The following C17orf67 variants were observed in gnomAD, a reference collection of about 807,000 sequenced individuals.
C17orf67 encodes uncharacterized protein C17orf67.
In C17orf67, 12 loss-of-function variants were observed where a neutral mutation model predicts 11.2. The ratio of observed to expected loss-of-function variants is 1.07; its 90% CI spans 0.68 to 1.73. C17orf67 has a LOEUF of 1.73. C17orf67 is among the 40% of genes most tolerant of loss of function. C17orf67 has a pLI of 0.00. For missense variants in C17orf67, 115 were observed against 113.5 expected (o/e 1.01, Z -0.06); for synonymous variants, 59 against 46.9 (o/e 1.26, Z -1.05).
chr17:56,823,473 T>G (rs566775157), intron 4 of C17orf67, among the ~76,000 whole-genome samples: 2 of 152,274 alleles, frequency 1.3e-5, no homozygotes, highest in South Asian at 4.1e-4. Flanking sequence ...ATTAATATCC[T>G]CTAAGAGACC....
rs966164298 is a variant in C17orf67, at chr17:56,832,881, T to A, written c.-557+17A>T. Reference sequence around the variant, plus strand: ...GCATATATATGCACACATAATAATATATACATACACACATACACGTATATA... The same window carrying A: ...GCATATATATGCACACATAATAATAAATACATACACACATACACGTATATA... On this transcript the variant is annotated intron_variant, in intron 2 of 7. Transcript: ENST00000397861. 1 of 152,242 alleles carries A rather than the reference T, an allele frequency of 6.6e-6. No homozygotes were observed. Among genetic ancestry groups the A allele is most frequent in the African/African-American group, 2.4e-5 (1 of 41,460 alleles). The allele number at this position is 152,242 out of a possible 1,614,324, so 9.4% of individuals were successfully genotyped here. A position where few individuals can be genotyped will look rare whatever the true frequency, so the allele number is the denominator to read the frequency against.
rs540845773 is a variant in C17orf67 at position 56,830,144 on chromosome 17, C to G, written c.-557+2754G>C. 6.3e-4 allele frequency among the ~76,000 whole-genome samples: 95 copies of G among 151,184 alleles called. 2 individuals carry two copies. The highest frequency in any genetic ancestry group is 2.2e-3 in the African/African-American group (89 of 41,136). ...GGATCATGAGGTCAGGAGATCAGGACCATCCTCGCTAACATGGTGAAATCC... is the reference window on the plus strand; with the variant it reads ...GGATCATGAGGTCAGGAGATCAGGAGCATCCTCGCTAACATGGTGAAATCC... On this transcript the variant is annotated intron_variant, in intron 2 of 7. Coordinates refer to ENST00000397861, the MANE Select transcript of C17orf67 (RefSeq NM_001085430.4).
intron 4 of C17orf67, among the ~76,000 whole-genome samples, chr17:56,820,288 T>TAA (rs1418172402): frequency 1.3e-5 from 2 of 152,198 alleles, no homozygotes; most frequent in East Asian, 3.9e-4. Context: ...TAAGAAAGAT[T>TAA]AATAAAAACA....
chr17:56,807,203 T>C (rs1468225557), intron 6 of C17orf67, among the ~76,000 whole-genome samples: 1 of 152,182 alleles, frequency 6.6e-6, no homozygotes, highest in Non-Finnish European at 1.5e-5. Flanking sequence ...AAAGGAAACC[T>C]AGCAGCGGGA....
intron 6 of C17orf67, among the ~76,000 whole-genome samples, chr17:56,802,462 C>T (rs1024653132): frequency 6.6e-6 from 1 of 152,256 alleles, no homozygotes; most frequent in African/African-American, 2.4e-5. Flanking sequence ...TCCTCTCCAG[C>T]TCCGGGAACC....
intron 6 of C17orf67, among the ~76,000 whole-genome samples, chr17:56,798,016 C>A (rs1363351039): frequency 1.3e-5 from 2 of 152,156 alleles, no homozygotes; most frequent in Admixed American, 6.5e-5. Flanking sequence ...CTAGTGCAAT[C>A]TCTGGCCTAC....
intron 4 of C17orf67, among the ~76,000 whole-genome samples, chr17:56,819,013 T>A (rs979352492): frequency 6.6e-6 from 1 of 152,224 alleles, no homozygotes; most frequent in Non-Finnish European, 1.5e-5. Context: ...AAGGATGAAA[T>A]AGAAAGTATC....
chr17:56,822,909 G>A (rs892077813), intron 4 of C17orf67, among the ~76,000 whole-genome samples: 17 of 152,164 alleles, frequency 1.1e-4, no homozygotes, highest in African/African-American at 3.4e-4. Flanking sequence ...CCTGCTGCAC[G>A]CCTCCACAAG....
chr17:56,796,542 T>C (rs572393638), intron 6 of C17orf67, among the ~76,000 whole-genome samples: 1 of 152,224 alleles, frequency 6.6e-6, no homozygotes, highest in African/African-American at 2.4e-5. Context: ...AGCAGCTCCT[T>C]GCCCTGACCA....
chr17:56,827,839 G>T (rs1906079702), intron 2 of C17orf67, among the ~76,000 whole-genome samples: 1 of 152,222 alleles, frequency 6.6e-6, no homozygotes, highest in Non-Finnish European at 1.5e-5. Flanking sequence ...TGGACTCCGT[G>T]TAACGTGGGC....
At chr17:56,794,006 G>A (rs895746316) in intron 7 of C17orf67, among the ~76,000 whole-genome samples, 1 of 152,124 alleles carries the variant, frequency 6.6e-6, no homozygotes, top group African/African-American at 2.4e-5. Flanking sequence ...CACACACACA[G>A]GACTGTGCAA....
rs1280576026 is a variant in C17orf67 at position 56,795,043 on chromosome 17, C to T, written c.*20+1G>A. On this transcript the variant is annotated splice_donor_variant, in intron 7 of 7. Coordinates refer to ENST00000397861, the MANE Select transcript of C17orf67 (RefSeq NM_001085430.4). LOFTEE classifies it low-confidence loss of function (3UTR_SPLICE). ...GGTCCGGGAGAGAGAAGGAGACGTA[C>T]CGAGGCTGGTCCTGATCCCCTTACA... The T allele has an allele frequency of 5.0e-6, 8 of 1,594,478 alleles. No homozygotes were observed. The East Asian group carries it at 8.9e-5, about 18-fold the overall frequency.
At chr17:56,809,212 T>C (rs1020937135) in intron 6 of C17orf67, among the ~76,000 whole-genome samples, 10 of 151,904 alleles carry the variant, frequency 6.6e-5, no homozygotes, top group African/African-American at 2.4e-4. Context: ...GGCAAGCATT[T>C]AAGAGGCTGT....
intron 6 of C17orf67, among the ~76,000 whole-genome samples, chr17:56,797,524 A>C (rs1905235788): frequency 6.6e-6 from 1 of 152,150 alleles, no homozygotes; most frequent in Non-Finnish European, 1.5e-5. Context: ...AGAGTGGGGC[A>C]CAGCAGGGTG....
At chr17:56,824,155 G>T (rs1231530233) in intron 4 of C17orf67, among the ~76,000 whole-genome samples, 2 of 152,208 alleles carry the variant, frequency 1.3e-5, no homozygotes, top group Non-Finnish European at 2.9e-5. Context: ...GTTATTTGGG[G>T]AGTGAGTTTG....
At chr17:56,809,258 C>T (rs991285685) in intron 6 of C17orf67, among the ~76,000 whole-genome samples, 2 of 151,884 alleles carry the variant, frequency 1.3e-5, no homozygotes, top group Non-Finnish European at 2.9e-5. Flanking sequence ...GAAACAAGAT[C>T]TAATCACATC....
intron 2 of C17orf67, among the ~76,000 whole-genome samples, chr17:56,825,866 T>C (rs569748835): frequency 1.1e-4 from 16 of 152,184 alleles, no homozygotes; most frequent in Non-Finnish European, 2.1e-4. Context: ...AGGGTGTCTT[T>C]GGAGTGAGAG....
chr17:56,818,858 C>T (rs1241780847), intron 4 of C17orf67, among the ~76,000 whole-genome samples: 1 of 152,098 alleles, frequency 6.6e-6, no homozygotes, highest in African/African-American at 2.4e-5. Flanking sequence ...CCATATTAGA[C>T]AACATGGATC....
intron 4 of C17orf67, among the ~76,000 whole-genome samples, chr17:56,820,477 A>G (rs1394951108): frequency 1.3e-5 from 2 of 152,098 alleles, no homozygotes; most frequent in East Asian, 3.9e-4. Context: ...ATTCAGACAC[A>G]CCAATGAACA....
Sources: allele counts gnomAD v4.1 joint callset (sites outside exome capture counted in the v4.1 genomes callset), GRCh38; gene constraint gnomAD v4.1.1; transcripts MANE v1.5; gene names NCBI Gene and HGNC (gene_info 2026-07-23, HGNC 2026-07-21).